MAN2A1: variants seen among roughly 807,000 people sequenced by gnomAD.
The protein encoded by MAN2A1 is mannosidase alpha class 2A member 1.
In MAN2A1, 76 loss-of-function variants were observed where a neutral mutation model predicts 142.6. The ratio of observed to expected loss-of-function variants is 0.53; its 90% CI spans 0.44 to 0.65. The LOEUF (loss-of-function observed/expected upper bound fraction) is 0.65, where lower values mean the gene tolerates loss of function less well. Among genes scored for constraint, MAN2A1 ranks in the 30% least tolerant of loss-of-function variants. The pLI, the probability that MAN2A1 is intolerant of heterozygous loss-of-function variation, is 0.00. For synonymous variants in MAN2A1, 559 were observed against 473.2 expected (o/e 1.18, Z -2.35); for missense variants, 1,311 against 1,365.1 (o/e 0.96, Z 0.62).
intron 4 of MAN2A1, among the ~76,000 whole-genome samples, chr5:109,755,115 T>C (rs2112627135): frequency 6.6e-6 from 1 of 152,278 alleles, no homozygotes; most frequent in South Asian, 2.1e-4. Context: ...CTGCGTGGCT[T>C]TTCCTGCAGA....
chr5:109,699,395 T>C (rs1750908593), intron 1 of MAN2A1: 1 of 151,082 alleles, frequency 6.6e-6, no homozygotes, highest in African/African-American at 2.4e-5. Flanking sequence ...GTTCAAGAGA[T>C]CTATTGTACA....
intron 20 of MAN2A1, among the ~76,000 whole-genome samples, 168 bp downstream of exon 20, chr5:109,855,502 G>A (rs1468938804): frequency 1.3e-5 from 2 of 152,132 alleles, no homozygotes; most frequent in Non-Finnish European, 2.9e-5. Context: ...GACTATTGCT[G>A]TATATTTTAG....
At chr5:109,752,523 G>C (rs1316391538) in intron 4 of MAN2A1, among the ~76,000 whole-genome samples, 1 of 152,172 alleles carries the variant, frequency 6.6e-6, no homozygotes, top group Non-Finnish European at 1.5e-5. Flanking sequence ...GAGGTCGGGA[G>C]GGAAAGAGTG....
chr5:109,753,085 T>G (rs547653478), intron 4 of MAN2A1, among the ~76,000 whole-genome samples: 114 of 152,358 alleles, frequency 7.5e-4, no homozygotes, highest in African/African-American at 2.6e-3. Flanking sequence ...AAGAGTTTAT[T>G]TTTGATTTAT....
At chr5:109,827,686 A>C (rs1561532395) in intron 16 of MAN2A1, among the ~76,000 whole-genome samples, 1 of 152,196 alleles carries the variant, frequency 6.6e-6, no homozygotes, top group African/African-American at 2.4e-5. Context: ...ATAAAAGAAC[A>C]CTCTGTTTTC....
intron 1 of MAN2A1, among the ~76,000 whole-genome samples, chr5:109,698,386 T>TTTGCTGTG (rs1750875046): frequency 6.6e-6 from 1 of 152,226 alleles, no homozygotes; most frequent in South Asian, 2.1e-4. Context: ...TGTCACTTTC[T>TTTGCTGTG]TTGCTGTGTT....
At chr5:109,690,665 C>T in intron 1 of MAN2A1, 113 bp downstream of exon 1, 1 of 1,211,720 alleles carries the variant, frequency 8.3e-7, no homozygotes, top group Non-Finnish European at 1.2e-6. Flanking sequence ...CCGTGCTGGG[C>T]GAGGCCAGGG....
At chr5:109,802,830 A>T (rs1213824098) in intron 12 of MAN2A1, among the ~76,000 whole-genome samples, 2 of 151,874 alleles carry the variant, frequency 1.3e-5, no homozygotes, top group Non-Finnish European at 2.9e-5. Flanking sequence ...TTCCCTCATC[A>T]TCTGAATTCA....
At chr5:109,852,023 G>C (rs1755494128) in intron 19 of MAN2A1, among the ~76,000 whole-genome samples, 1 of 151,646 alleles carries the variant, frequency 6.6e-6, no homozygotes, top group African/African-American at 2.4e-5. Context: ...CAATAGGACT[G>C]AATGCCTGCC....
chr5:109,854,054 C>G (rs1755548048), intron 19 of MAN2A1: 1 of 152,132 alleles, frequency 6.6e-6, no homozygotes, highest in Non-Finnish European at 1.5e-5. Context: ...CTGTATATCT[C>G]TATAAATCCT....
intron 7 of MAN2A1, 82 bp from the exon 8 acceptor site, chr5:109,774,706 T>C (rs987705989): frequency 4.4e-5 from 45 of 1,028,202 alleles, no homozygotes; most frequent in Non-Finnish European, 6.3e-5. Flanking sequence ...ATTTGGTTAT[T>C]TCCTTTTTAA....
At chr5:109,822,171 CTTT>C (rs1279030258) in intron 15 of MAN2A1, among the ~76,000 whole-genome samples, 2 of 123,000 alleles carry the variant, frequency 1.6e-5, no homozygotes, top group Non-Finnish European at 3.5e-5. Context: ...TGGGGTTTTT[CTTT>C]TTTTTTTTTT....
In MAN2A1 at chr5:109,823,821, A is replaced by G; in HGVS notation, c.2550A>G (p.Arg850=). 6.4e-7 allele frequency: 1 copy of G among 1,568,520 alleles called. No individual in the cohort carries two copies. The highest frequency in any genetic ancestry group is 8.7e-7 in the Non-Finnish European group (1 of 1,150,702). The change falls in exon 16 of 22, where the codon CGA becomes CGG. Residue 850 remains arginine, a synonymous_variant. Transcript: ENST00000261483. ...CFFDHVTHRV[R]LYHIQGIEGQ... Reference sequence around the variant, plus strand: ...TTGACCATGTTACTCATAGAGTCCGACTATACCACATACAGGGTAAGAAAA... The same window carrying G: ...TTGACCATGTTACTCATAGAGTCCGGCTATACCACATACAGGGTAAGAAAA...
intron 16 of MAN2A1, among the ~76,000 whole-genome samples, chr5:109,825,827 A>G (rs958934527): frequency 7.0e-6 from 1 of 143,288 alleles, no homozygotes; most frequent in African/African-American, 2.6e-5. Flanking sequence ...AATGTAGCCC[A>G]TTTCTATTTG....
At chr5:109,859,518 T>C (rs890008954) in intron 20 of MAN2A1, among the ~76,000 whole-genome samples, 1 of 152,192 alleles carries the variant, frequency 6.6e-6, no homozygotes, top group Non-Finnish European at 1.5e-5. Context: ...TTTCCTATTC[T>C]GTTGGCCTGT....
chr5:109,773,919 T>C (rs1476974576), intron 7 of MAN2A1, among the ~76,000 whole-genome samples: 1 of 152,188 alleles, frequency 6.6e-6, no homozygotes, highest in Non-Finnish European at 1.5e-5. Flanking sequence ...TTTGTAAATA[T>C]TGTGAACTGC....
intron 4 of MAN2A1, among the ~76,000 whole-genome samples, chr5:109,733,079 A>G (rs371353048): frequency 7.0e-4 from 107 of 152,232 alleles, no homozygotes; most frequent in African/African-American, 2.4e-3. Context: ...GGTCCTTCAC[A>G]TCCCTTGTAA....
chr5:109,778,792 T>C (rs530232056), intron 8 of MAN2A1, among the ~76,000 whole-genome samples: 2 of 152,252 alleles, frequency 1.3e-5, no homozygotes, highest in Admixed American at 6.5e-5. Context: ...TCTTGTGGGA[T>C]ACTTAAAGTT....
intron 4 of MAN2A1, among the ~76,000 whole-genome samples, chr5:109,743,484 T>G (rs1752323953): frequency 6.6e-6 from 1 of 152,166 alleles, no homozygotes; most frequent in Non-Finnish European, 1.5e-5. Flanking sequence ...GGAAAGTGCC[T>G]AAGGTCACCC....
Sources: allele counts gnomAD v4.1 joint callset (sites outside exome capture counted in the v4.1 genomes callset), GRCh38; gene constraint gnomAD v4.1.1; transcripts MANE v1.5; gene names NCBI Gene and HGNC (gene_info 2026-07-23, HGNC 2026-07-21).